Variants in OR51B5 observed in about 807,000 individuals in gnomAD.
OR51B5 encodes the protein olfactory receptor family 51 subfamily B member 5, also known as olfactory receptor 51B5.
For synonymous variants in OR51B5, 186 were observed against 144.8 expected (o/e 1.28, Z -2.04); for missense variants, 456 against 374.6 (o/e 1.22, Z -1.79).
intron 1 of OR51B5, among the ~76,000 whole-genome samples, chr11:5,463,572 A>G (rs930604203): frequency 5.3e-5 from 8 of 152,156 alleles, no homozygotes; most frequent in African/African-American, 1.7e-4. Context: ...AACACTGAAG[A>G]TATTTTGGGG....
intron 1 of OR51B5, among the ~76,000 whole-genome samples, chr11:5,350,219 G>A (rs1340218225): frequency 1.8e-5 from 2 of 108,968 alleles, no homozygotes; most frequent in Non-Finnish European, 4.7e-5. Context: ...GTCTTTACAG[G>A]TTATGTAACC....
chr11:5,371,906 TTC>T (rs1374366982), intron 1 of OR51B5, among the ~76,000 whole-genome samples: 3 of 152,138 alleles, frequency 2.0e-5, no homozygotes, highest in East Asian at 1.9e-4. Flanking sequence ...TCTCCCTATT[TTC>T]TCTTTCTTTC....
chr11:5,438,966 GT>G (rs1850632387), intron 1 of OR51B5, among the ~76,000 whole-genome samples: 1 of 152,202 alleles, frequency 6.6e-6, no homozygotes, highest in Admixed American at 6.5e-5. Flanking sequence ...AAGAAAAAGA[GT>G]TAATAGATTT....
At chr11:5,345,331 T>C (rs1209050514), upstream of OR51B5, among the ~76,000 whole-genome samples, 1 of 152,104 alleles carries the variant, frequency 6.6e-6, no homozygotes, top group East Asian at 1.9e-4. Context: ...TGAAGAGTCA[T>C]GGTGACCTTG....
intron 1 of OR51B5, among the ~76,000 whole-genome samples, chr11:5,481,871 A>G (rs1351323844): frequency 2.8e-5 from 4 of 142,632 alleles, no homozygotes; most frequent in East Asian, 4.3e-4. Flanking sequence ...CAAACAAATG[A>G]AAGAACATTC....
upstream of OR51B5, among the ~76,000 whole-genome samples, chr11:5,348,059 A>C (rs544784311): frequency 1.3e-3 from 178 of 133,310 alleles, no homozygotes; most frequent in African/African-American, 4.3e-3. Context: ...CAAAAAAAAA[A>C]CAGAGAGATC....
chr11:5,374,463 C>T (rs561410368), intron 1 of OR51B5, among the ~76,000 whole-genome samples: 266 of 152,208 alleles, frequency 1.7e-3, no homozygotes, highest in African/African-American at 5.9e-3. Context: ...TCACCAGCAA[C>T]GGAACAAAGC....
At chr11:5,402,498 T>C in intron 1 of OR51B5, 3 of 362,736 alleles carry the variant, frequency 8.3e-6, no homozygotes, top group South Asian at 6.5e-5. Context: ...TTTCTTCCCT[T>C]CCCTCAGTGC....
upstream of OR51B5, chr11:5,343,528 G>A: frequency 1.2e-6 from 1 of 828,390 alleles, no homozygotes; most frequent in Non-Finnish European, 2.0e-6. Context: ...ACGACATCCT[G>A]GGTTTATATA....
chr11:5,412,005 G>C (rs1850155561), intron 1 of OR51B5, among the ~76,000 whole-genome samples: 1 of 152,170 alleles, frequency 6.6e-6, no homozygotes, highest in Non-Finnish European at 1.5e-5. Context: ...CTGAACTACG[G>C]ACTCTAAGAT....
intron 1 of OR51B5, among the ~76,000 whole-genome samples, chr11:5,360,026 A>G (rs1171098080): frequency 1.3e-5 from 2 of 152,204 alleles, no homozygotes; most frequent in Non-Finnish European, 2.9e-5. Context: ...TGTTAGACTG[A>G]AAACCATAAA....
At chr11:5,353,283 C>T (rs564522858) in intron 1 of OR51B5, among the ~76,000 whole-genome samples, 1 of 152,134 alleles carries the variant, frequency 6.6e-6, no homozygotes, top group South Asian at 2.1e-4. Context: ...AATTTGAAAA[C>T]AGAGATATAA....
chr11:5,454,019 C>G, intron 1 of OR51B5: 1 of 1,614,024 alleles, frequency 6.2e-7, no homozygotes, highest in Non-Finnish European at 8.5e-7. Flanking sequence ...TTTCTCACTC[C>G]TACTGCCTGC....
intron 1 of OR51B5, among the ~76,000 whole-genome samples, chr11:5,464,844 T>A (rs1851112832): frequency 6.6e-6 from 1 of 152,124 alleles, no homozygotes; most frequent in South Asian, 2.1e-4. Flanking sequence ...TAGTTCTAGA[T>A]CCCTGAGGAA....
chr11:5,419,918 A>C (rs2647577), intron 1 of OR51B5, among the ~76,000 whole-genome samples: 124,178 of 151,196 alleles, frequency 0.82, 51,813 homozygotes, highest in Non-Finnish European at 0.89. Flanking sequence ...TTACAATAGA[A>C]TGTAAGCACA....
intron 1 of OR51B5, chr11:5,488,718 CA>C (rs1309925653): frequency 7.4e-6 from 12 of 1,612,444 alleles, no homozygotes; most frequent in Non-Finnish European, 1.0e-5. Flanking sequence ...TGTCAGATTC[CA>C]ACCTCAGTGA....
At chr11:5,384,437 G>A (rs998178571) in intron 1 of OR51B5, among the ~76,000 whole-genome samples, 2 of 152,178 alleles carry the variant, frequency 1.3e-5, no homozygotes, top group African/African-American at 2.4e-5. Flanking sequence ...CAGAACCAGA[G>A]CCAGAGAAAG....
intron 1 of OR51B5, among the ~76,000 whole-genome samples, chr11:5,505,010 T>C (rs1358908985): frequency 6.6e-6 from 1 of 152,248 alleles, no homozygotes; most frequent in Non-Finnish European, 1.5e-5. Flanking sequence ...ATTCACCTGG[T>C]GTCTTCCCTG....
chr11:5,492,747 C>A (rs559819686), intron 1 of OR51B5, among the ~76,000 whole-genome samples: 9 of 152,170 alleles, frequency 5.9e-5, no homozygotes, highest in Non-Finnish European at 1.0e-4. Context: ...AGCCATTCTC[C>A]TGCCTCAGCT....
Sources: gnomAD v4.1 joint callset for allele counts (sites outside exome capture counted in the v4.1 genomes callset) on GRCh38, gnomAD v4.1.1 for gene constraint, MANE v1.5 for transcripts, NCBI Gene and HGNC (gene_info 2026-07-23, HGNC 2026-07-21) for gene names.